LOC112694756: variants seen among roughly 807,000 people sequenced by gnomAD.
chr16:30,058,632 C>T, the LOC112694756 span, among the ~76,000 whole-genome samples: 2 of 151,980 alleles, frequency 1.3e-5, no homozygotes, highest in Non-Finnish European at 2.9e-5. Flanking sequence ...ATTACAGGTG[C>T]CCGCCACCAC....
chr16:30,066,013 CCT>C, the LOC112694756 span: 2 of 152,936 alleles, frequency 1.3e-5, no homozygotes, highest in African/African-American at 4.8e-5. Flanking sequence ...CGCGTGGAGG[CCT>C]CCCCCATCCC....
the LOC112694756 span, chr16:30,069,160 G>T: frequency 3.0e-6 from 4 of 1,324,996 alleles, no homozygotes; most frequent in Admixed American, 7.7e-5. Flanking sequence ...TGGATCTGAG[G>T]CGGCTCTTGT....
the LOC112694756 span, chr16:30,069,259 A>G: frequency 6.3e-7 from 1 of 1,592,446 alleles, no homozygotes; most frequent in Non-Finnish European, 8.6e-7. Context: ...TGTAGGTGGG[A>G]CTCTGGGTTA....
At chr16:30,068,961 GC>G in the LOC112694756 span, 1 of 1,614,228 alleles carries the variant, frequency 6.2e-7, no homozygotes, top group Admixed American at 1.7e-5. Context: ...GGCCCGTTAT[GC>G]CAGTATCTGC....
At chr16:30,067,228 A>T in the LOC112694756 span, 1 of 1,611,994 alleles carries the variant, frequency 6.2e-7, no homozygotes, top group Non-Finnish European at 8.5e-7. Context: ...TGTTTCCTGT[A>T]TCCAGGAACT....
At chr16:30,059,431 G>A in the LOC112694756 span, among the ~76,000 whole-genome samples, 11 of 151,904 alleles carry the variant, frequency 7.2e-5, no homozygotes, top group South Asian at 6.2e-4. Flanking sequence ...CCCGGGAGGC[G>A]GACCTTGCAG....
chr16:30,067,165 G>A, the LOC112694756 span: 4 of 1,604,724 alleles, frequency 2.5e-6, no homozygotes, highest in Admixed American at 6.8e-5. Flanking sequence ...CAGGAGAGGG[G>A]CCCTGGTCAT....
At chr16:30,067,441 C>G in the LOC112694756 span, 4 of 1,613,372 alleles carry the variant, frequency 2.5e-6, no homozygotes, top group Admixed American at 1.7e-5. Flanking sequence ...TCCCATGTGA[C>G]ACTCCCAGGG....
chr16:30,066,506 C>A, the LOC112694756 span, among the ~76,000 whole-genome samples: 1 of 152,362 alleles, frequency 6.6e-6, no homozygotes, highest in South Asian at 2.1e-4. Context: ...GTGACGATGG[C>A]AAAGCTTACC....
At chr16:30,067,319 G>A in the LOC112694756 span, 13 of 1,613,270 alleles carry the variant, frequency 8.1e-6, no homozygotes, top group African/African-American at 2.7e-5. Context: ...ATCGCTCACC[G>A]CATCGTGGCA....
chr16:30,064,043 G>C, the LOC112694756 span: 1 of 398,920 alleles, frequency 2.5e-6, no homozygotes, highest in Non-Finnish European at 4.4e-6. Context: ...TCCTCTGGAG[G>C]GCCAGAAAAG....
chr16:30,064,084 G>A, the LOC112694756 span: 1 of 399,584 alleles, frequency 2.5e-6, no homozygotes, highest in East Asian at 3.6e-5. Flanking sequence ...AGGTGCCCTG[G>A]CTTCCCTTCC....
At chr16:30,068,305 C>T in the LOC112694756 span, 1 of 361,268 alleles carries the variant, frequency 2.8e-6, no homozygotes, top group Non-Finnish European at 5.4e-6. Flanking sequence ...ATCTCGTGAT[C>T]TGCCCACCTC....
the LOC112694756 span, chr16:30,069,816 C>T: frequency 6.8e-6 from 11 of 1,614,004 alleles, no homozygotes; most frequent in African/African-American, 1.1e-4. Flanking sequence ...TCTCGCCTCA[C>T]CCCTGCTCTA....
chr16:30,068,494 C>T, the LOC112694756 span: 1 of 847,072 alleles, frequency 1.2e-6, no homozygotes. Flanking sequence ...GCCCAGCTAC[C>T]TAGGAGGCTG....
the LOC112694756 span, chr16:30,058,892 C>T: frequency 2.5e-6 from 1 of 398,030 alleles, no homozygotes; most frequent in Non-Finnish European, 4.4e-6. Context: ...CTGTCTAGGG[C>T]CTTGGGGACT....
the LOC112694756 span, chr16:30,067,840 T>A: frequency 1.4e-6 from 1 of 721,676 alleles, no homozygotes; most frequent in Non-Finnish European, 2.3e-6. Context: ...AACAGTATCA[T>A]TCCCACTTTA....
chr16:30,067,020 CCA>C, the LOC112694756 span: 6 of 1,574,810 alleles, frequency 3.8e-6, no homozygotes, highest in Admixed American at 1.9e-5. Context: ...ACACCCAGCA[CCA>C]GACAGAGTTA....
chr16:30,063,145 A>T, the LOC112694756 span, among the ~76,000 whole-genome samples: 1 of 152,136 alleles, frequency 6.6e-6, no homozygotes, highest in Non-Finnish European at 1.5e-5. Flanking sequence ...TGTCTCAAAA[A>T]AAAAAAAAAA....
Sources: gnomAD v4.1 joint callset for allele counts (sites outside exome capture counted in the v4.1 genomes callset) on GRCh38, gnomAD v4.1.1 for gene constraint, MANE v1.5 for transcripts.